The following YEATS2 variants were observed in gnomAD, a reference collection of about 807,000 sequenced individuals.
YEATS2 encodes the protein YEATS domain-containing protein 2.
In YEATS2, 77 loss-of-function variants were observed where a neutral mutation model predicts 163.2. The observed-to-expected ratio is 0.47, with a 90% confidence interval of 0.39 to 0.57. YEATS2 has a LOEUF of 0.57. YEATS2 is among the 20% of genes least tolerant of loss of function. YEATS2 has a pLI of 0.00. For missense variants in YEATS2, 1,549 were observed against 1,729.8 expected, an observed-to-expected ratio of 0.90 and a Z score of 1.85; for synonymous variants, 631 against 645.1, an observed-to-expected ratio of 0.98 and a Z score of 0.33.
chr3:183,804,529 A>G (rs867426784), intron 27 of YEATS2, among the ~76,000 whole-genome samples: 1 of 151,748 alleles, frequency 6.6e-6, no homozygotes, highest in South Asian at 2.1e-4. Context: ...CCTTAGGGAC[A>G]CCCCCCATGC....
chr3:183,719,301 A>G (rs1716250874), intron 4 of YEATS2, among the ~76,000 whole-genome samples: 1 of 151,590 alleles, frequency 6.6e-6, no homozygotes, highest in Non-Finnish European at 1.5e-5. Flanking sequence ...ATGCCTGGCT[A>G]ATTTTTTTGT....
intron 1 of YEATS2, among the ~76,000 whole-genome samples, chr3:183,706,758 G>A (rs935254662): frequency 2.0e-5 from 3 of 152,164 alleles, no homozygotes; most frequent in Non-Finnish European, 4.4e-5. Context: ...GGAGGTTGCC[G>A]CGAGCTGAGA....
At chr3:183,698,987 C>A (rs1713785809) in intron 1 of YEATS2, among the ~76,000 whole-genome samples, 1 of 152,082 alleles carries the variant, frequency 6.6e-6, no homozygotes. Flanking sequence ...TTTAGTTTTT[C>A]CCGGGAAGCC....
intron 7 of YEATS2, among the ~76,000 whole-genome samples, chr3:183,732,475 A>G (rs966066166): frequency 2.7e-5 from 4 of 149,168 alleles, no homozygotes; most frequent in African/African-American, 9.9e-5. Flanking sequence ...TAAAAAATAA[A>G]TAAATAAATA....
At chr3:183,762,547 G>A (rs1174715044) in intron 15 of YEATS2, among the ~76,000 whole-genome samples, 1 of 152,226 alleles carries the variant, frequency 6.6e-6, no homozygotes, top group Non-Finnish European at 1.5e-5. Flanking sequence ...AGTGGAGGCA[G>A]AGCTGACTCA....
chr3:183,717,847 ATCC>A (rs1454616982), intron 3 of YEATS2, 99 bp downstream of exon 3: 1 of 553,478 alleles, frequency 1.8e-6, no homozygotes, highest in Non-Finnish European at 2.7e-6. Context: ...AGTTTGCTTT[ATCC>A]TCCTCTTTGC....
rs1254696301 is a variant in YEATS2 at position 183,803,317 on chromosome 3, A to C, written c.3564A>C (p.Gly1188=). Residue 1188 remains glycine (G), a synonymous_variant, in exon 26 of 31, where the codon GGA becomes GGC. Transcript: ENST00000305135. ...SVEQYYGWNI[G]KRRAAEWQRA... is the part of the protein sequence containing the mutation. Reference sequence around the variant, plus strand: ...AGCAGTACTATGGCTGGAACATTGGAAAAAGGAGAGCCGCTGAGGTAACCC... The same window carrying C: ...AGCAGTACTATGGCTGGAACATTGGCAAAAGGAGAGCCGCTGAGGTAACCC... 1 of 1,610,830 alleles carries C rather than the reference A, an allele frequency of 6.2e-7. No individual in the cohort carries two copies. Among genetic ancestry groups the C allele is most frequent in the Admixed American group, 1.7e-5 (1 of 59,814 alleles).
chr3:183,752,359 A>G, intron 10 of YEATS2, 106 bp downstream of exon 10: 1 of 1,345,158 alleles, frequency 7.4e-7, no homozygotes, highest in Admixed American at 1.9e-5. Flanking sequence ...CTATAAGTGG[A>G]CATGCTGCCT....
intron 1 of YEATS2, among the ~76,000 whole-genome samples, chr3:183,699,995 A>T (rs1257638457): frequency 6.6e-6 from 1 of 152,234 alleles, no homozygotes; most frequent in Non-Finnish European, 1.5e-5. Context: ...CCCCAAAACT[A>T]AACTTAATCG....
At chr3:183,806,766 G>A (rs1726248081) in intron 27 of YEATS2, 100 bp from the exon 28 acceptor site, 1 of 1,234,192 alleles carries the variant, frequency 8.1e-7, no homozygotes, top group Admixed American at 2.2e-5. Flanking sequence ...CAGCTCCCCT[G>A]ATGCTTATCC....
chr3:183,783,626 A>G (rs1057501910), intron 19 of YEATS2, among the ~76,000 whole-genome samples: 2 of 152,152 alleles, frequency 1.3e-5, no homozygotes, highest in Admixed American at 6.5e-5. Context: ...ATTAGCTCCC[A>G]CTTGTAAGTG....
intron 12 of YEATS2, 124 bp downstream of exon 12, chr3:183,756,813 T>G: frequency 1.1e-6 from 1 of 902,588 alleles, no homozygotes; most frequent in East Asian, 3.3e-5. Flanking sequence ...GAAGCGAGAA[T>G]AAGTAAAAGG....
chr3:183,756,829 C>G (rs1043208871), intron 12 of YEATS2, 140 bp downstream of exon 12: 1 of 760,660 alleles, frequency 1.3e-6, no homozygotes, highest in African/African-American at 1.8e-5. Flanking sequence ...AAAGGAAAGC[C>G]AATACTCTTT....
At position 183,773,771 on chromosome 3, in the gene YEATS2, T is replaced by A. The variant is rs770923069; in HGVS notation, c.2345T>A (p.Ile782Asn). 1 of 1,609,472 alleles carries A rather than the reference T, an allele frequency of 6.2e-7. No individual in the cohort carries two copies. The highest frequency in any genetic ancestry group is 1.1e-5 in the South Asian group (1 of 89,882). The change falls in exon 17 of 31, where the codon ATC (isoleucine) becomes AAC (asparagine). Residue 782 changes from isoleucine to asparagine, a missense_variant. Transcript: ENST00000305135. Reference protein sequence around the residue: ...GKLLLIPQGAILRATNNANLQ... With the variant: ...GKLLLIPQGANLRATNNANLQ... ...CTGCTGCTGATCCCTCAAGGAGCCATCCTGCGAGCTACGAACAATGCTAGT... is the reference window on the plus strand; with the variant it reads ...CTGCTGCTGATCCCTCAAGGAGCCAACCTGCGAGCTACGAACAATGCTAGT...
intron 9 of YEATS2, among the ~76,000 whole-genome samples, chr3:183,748,746 T>TG (rs1364604289): frequency 6.6e-6 from 1 of 151,824 alleles, no homozygotes; most frequent in East Asian, 1.9e-4. Flanking sequence ...ACTGTACACC[T>TG]GCACTAGCAA....
At chr3:183,717,821 A>G (rs534016028) in intron 3 of YEATS2, 73 bp downstream of exon 3, 19 of 817,316 alleles carry the variant, frequency 2.3e-5, no homozygotes, top group South Asian at 1.9e-4. Flanking sequence ...AAAATAATCT[A>G]TTGAGATGGA....
chr3:183,701,041 G>GTA (rs1013326299), intron 1 of YEATS2, among the ~76,000 whole-genome samples: 118 of 144,712 alleles, frequency 8.2e-4, no homozygotes, highest in Non-Finnish European at 1.1e-3. Context: ...ACTGGTGTGT[G>GTA]TATATATATA....
In YEATS2 at chr3:183,758,859, C is replaced by A. The variant is rs376685081; in HGVS notation, c.1553-3C>A. 1.3e-6 allele frequency: 2 copies of A among 1,570,460 alleles called. No individual in the cohort carries two copies. Among genetic ancestry groups the A allele is most frequent in the African/African-American group, 2.7e-5 (2 of 73,092 alleles). ...TATGTTTTAATTGTGCCTTGCTTAT[C>A]AGGAAGTCCTACAAACAAGATCTCC... is the stretch of plus-strand genomic sequence containing the variant. On this transcript the variant is annotated splice_region_variant and splice_polypyrimidine_tract_variant and intron_variant, in intron 12 of 30. Coordinates refer to ENST00000305135, the MANE Select transcript of YEATS2 (RefSeq NM_018023.5).
intron 21 of YEATS2, among the ~76,000 whole-genome samples, chr3:183,792,098 A>G (rs971015192): frequency 4.6e-5 from 7 of 152,152 alleles, no homozygotes; most frequent in Non-Finnish European, 1.0e-4. Flanking sequence ...CTGCAATTCT[A>G]AAATCCCAAA....
Sources: allele counts gnomAD v4.1 joint callset (sites outside exome capture counted in the v4.1 genomes callset), GRCh38; gene constraint gnomAD v4.1.1; transcripts MANE v1.5; gene names NCBI Gene and HGNC (gene_info 2026-07-23, HGNC 2026-07-21).